THSD4: variants seen among roughly 807,000 people sequenced by gnomAD.
THSD4 encodes thrombospondin type-1 domain-containing protein 4.
Under a neutral mutation model 119.0 loss-of-function variants are expected in THSD4, and 69 were observed. The ratio of observed to expected loss-of-function variants is 0.58; its 90% CI spans 0.48 to 0.71. The LOEUF (loss-of-function observed/expected upper bound fraction) is 0.71. Ranked by LOEUF, THSD4 falls within the 30% of genes least tolerant of loss-of-function variation. The pLI, the probability that THSD4 is intolerant of heterozygous loss-of-function variation, is 0.00. For synonymous variants in THSD4, 524 were observed against 540.4 expected, an observed-to-expected ratio of 0.97 and a Z score of 0.42; for missense variants, 1,393 against 1,391.1, an observed-to-expected ratio of 1.00 and a Z score of -0.02.
chr15:71,608,241 T>TACAC (rs754808213), intron 7 of THSD4, among the ~76,000 whole-genome samples: 5,960 of 79,880 alleles, frequency 0.075, 189 homozygotes, highest in Non-Finnish European at 0.11. Flanking sequence ...AAAAAAAATA[T>TACAC]ATATATATAC....
At chr15:71,118,741 G>A (rs2040384501) in intron 1 of THSD4, among the ~76,000 whole-genome samples, 1 of 152,180 alleles carries the variant, frequency 6.6e-6, no homozygotes, top group African/African-American at 2.4e-5. Context: ...TGTATTTGTT[G>A]AATATCCTCG....
At chr15:71,432,853 A>G (rs184421056) in intron 7 of THSD4, among the ~76,000 whole-genome samples, 1 of 152,156 alleles carries the variant, frequency 6.6e-6, no homozygotes, top group East Asian at 1.9e-4. Flanking sequence ...AGACAAAATA[A>G]TCTTTTTAAA....
chr15:71,199,171 A>G (rs1048860124), intron 3 of THSD4, among the ~76,000 whole-genome samples: 7 of 152,080 alleles, frequency 4.6e-5, no homozygotes, highest in African/African-American at 1.4e-4. Context: ...TCCTCCCACA[A>G]TCCCATTCCC....
At position 71,672,939 on chromosome 15, in the gene THSD4, C is replaced by G. The variant is rs557703480; in HGVS notation, c.1357+12205C>G. Among the ~76,000 whole-genome samples the G allele has an allele frequency of 4.6e-5, 7 of 152,250 alleles. No individual in the cohort carries two copies. In the East Asian group the frequency reaches 1.4e-3, roughly 29 times the overall value. On this transcript the variant is annotated intron_variant, in intron 8 of 17. Coordinates refer to ENST00000261862, the MANE Select transcript of THSD4 (RefSeq NM_024817.3). ...ATCAATGTTCATCAGGGATATTGGT[C>G]TAAAATTCTCTTTTTTTGTTGTGTC... is the stretch of plus-strand genomic sequence containing the variant.
intron 7 of THSD4, among the ~76,000 whole-genome samples, chr15:71,581,191 G>T (rs1433461645): frequency 2.0e-5 from 3 of 152,080 alleles, no homozygotes; most frequent in South Asian, 2.1e-4. Context: ...ATGTACAAAG[G>T]TTTCCTTTTC....
chr15:71,477,968 G>GCTT (rs2047676141), intron 7 of THSD4, among the ~76,000 whole-genome samples: 1 of 152,210 alleles, frequency 6.6e-6, no homozygotes, highest in Admixed American at 6.5e-5. Context: ...CCAAGGATGG[G>GCTT]GAGGTGGTGT....
intron 7 of THSD4, among the ~76,000 whole-genome samples, chr15:71,623,582 C>A (rs1239237144): frequency 2.6e-5 from 4 of 152,134 alleles, no homozygotes; most frequent in Non-Finnish European, 5.9e-5. Context: ...ATTATGGCAT[C>A]TTAAAGTAGT....
Position 71,215,070 on chromosome 15 carries a change from GGAC to G in THSD4, c.140_142del (p.Asp47del), listed in dbSNP as rs1490726074. The G allele has an allele frequency of 1.2e-5, 16 of 1,299,966 alleles. No homozygotes were observed. Among genetic ancestry groups the G allele is most frequent in the Non-Finnish European group, 1.4e-5 (14 of 1,021,874 alleles). The allele number at this position is 1,299,966 out of a possible 1,614,324, so 80.5% of individuals were successfully genotyped here. ...GGATGGCGGCGGAGGGCGCCCCCGA[GGAC>G]GACGGCGGCGGCGGCGCCCCGGGAG... On this transcript the variant is annotated inframe_deletion, in exon 4 of 18. Transcript: ENST00000261862.
At position 71,663,231 on chromosome 15, in the gene THSD4, A is replaced by G. The variant is rs567250462; in HGVS notation, c.1357+2497A>G. ...CGTGCCACTGCACTCCAGCCTGGGC[A>G]ATAAAGCAAGACACTATATCAAAAA... is the stretch of plus-strand genomic sequence containing the variant. On this transcript the variant is annotated intron_variant, in intron 8 of 17. Coordinates refer to ENST00000261862, the MANE Select transcript of THSD4 (RefSeq NM_024817.3). Among the ~76,000 whole-genome samples the G allele has an allele frequency of 2.3e-3, 346 of 152,060 alleles. 4 individuals carry two copies. The highest frequency in any genetic ancestry group is 7.6e-3 in the African/African-American group (317 of 41,460).
intron 6 of THSD4, among the ~76,000 whole-genome samples, chr15:71,336,738 G>A (rs140871288): frequency 1.4e-3 from 217 of 152,294 alleles, no homozygotes; most frequent in African/African-American, 4.9e-3. Context: ...TTGGCAATTT[G>A]GATACAGTGT....
intron 3 of THSD4, chr15:71,186,182 G>C (rs566669826): frequency 6.6e-6 from 1 of 152,130 alleles, no homozygotes; most frequent in South Asian, 2.1e-4. Context: ...AGATGCAATG[G>C]GGGGAAAAGA....
chr15:71,265,313 G>C (rs2044451024), intron 6 of THSD4, among the ~76,000 whole-genome samples: 1 of 152,156 alleles, frequency 6.6e-6, no homozygotes, highest in South Asian at 2.1e-4. Context: ...CTGAGCTGAA[G>C]CAGGGTGGGG....
intron 11 of THSD4, among the ~76,000 whole-genome samples, chr15:71,741,564 C>A (rs2053235782): frequency 6.6e-6 from 1 of 152,006 alleles, no homozygotes; most frequent in Non-Finnish European, 1.5e-5. Context: ...TTTGTTTAAT[C>A]TTCTGTCCTT....
At chr15:71,334,635 G>A (rs756737914) in intron 6 of THSD4, among the ~76,000 whole-genome samples, 2 of 152,304 alleles carry the variant, frequency 1.3e-5, no homozygotes, top group South Asian at 4.1e-4. Flanking sequence ...CCAAGGCTGC[G>A]GCCAAATGCC....
intron 7 of THSD4, among the ~76,000 whole-genome samples, chr15:71,631,362 C>T (rs1477695609): frequency 6.6e-6 from 1 of 152,084 alleles, no homozygotes; most frequent in Admixed American, 6.5e-5. Context: ...GGAGCAGAGG[C>T]CTTGAATCAT....
At chr15:71,426,405 G>T (rs1595756462) in intron 7 of THSD4, among the ~76,000 whole-genome samples, 1 of 140,944 alleles carries the variant, frequency 7.1e-6, no homozygotes, top group Admixed American at 7.2e-5. Context: ...GTGTGTGTGT[G>T]TTCAGGTGCT....
At chr15:71,394,671 C>G (rs1449509448) in intron 6 of THSD4, among the ~76,000 whole-genome samples, 1 of 152,184 alleles carries the variant, frequency 6.6e-6, no homozygotes, top group Non-Finnish European at 1.5e-5. Context: ...AGAGCTAACT[C>G]CTACTCATCC....
intron 6 of THSD4, among the ~76,000 whole-genome samples, chr15:71,284,281 G>A (rs2044688935): frequency 6.6e-6 from 1 of 152,130 alleles, no homozygotes; most frequent in South Asian, 2.1e-4. Flanking sequence ...TTTAAAAATT[G>A]GGTTGATAAA....
intron 8 of THSD4, among the ~76,000 whole-genome samples, chr15:71,671,513 C>T (rs2141014331): frequency 6.6e-6 from 1 of 152,280 alleles, no homozygotes; most frequent in African/African-American, 2.4e-5. Flanking sequence ...TCAATTTTGG[C>T]TTTTGTTGCC....
Sources: gnomAD v4.1 joint callset for allele counts (sites outside exome capture counted in the v4.1 genomes callset) on GRCh38, gnomAD v4.1.1 for gene constraint, MANE v1.5 for transcripts, NCBI Gene and HGNC (gene_info 2026-07-23, HGNC 2026-07-21) for gene names.